The following TUSC3 variants were observed in gnomAD, a reference collection of about 807,000 sequenced individuals.
TUSC3 encodes the protein tumor suppressor candidate 3.
TUSC3 carries 45 observed loss-of-function variants against 44.8 expected under a neutral mutation model. The observed-to-expected ratio is 1.00, with a 90% confidence interval of 0.79 to 1.29. The LOEUF (loss-of-function observed/expected upper bound fraction) is 1.29, where lower values mean the gene tolerates loss of function less well. Ranked by LOEUF, TUSC3 falls within the 50% of genes most tolerant of loss-of-function variation. The probability of loss-of-function intolerance (pLI) is 0.00; values close to 1 mark genes in which losing one functional copy is unlikely to be tolerated. For missense variants in TUSC3, 519 were observed against 437.9 expected (o/e 1.19, Z -1.65); for synonymous variants, 212 against 152.9 (o/e 1.39, Z -2.85).
the TUSC3 span, among the ~76,000 whole-genome samples, chr8:15,786,710 C>G: frequency 6.6e-6 from 1 of 151,542 alleles, no homozygotes; most frequent in Non-Finnish European, 1.5e-5. Flanking sequence ...TTTGGGTGGC[C>G]GAGGCGGTGG....
chr8:15,595,710 T>C (rs901191784), intron 1 of TUSC3, among the ~76,000 whole-genome samples: 1 of 152,210 alleles, frequency 6.6e-6, no homozygotes, highest in African/African-American at 2.4e-5. Flanking sequence ...GGAAGTCATT[T>C]TTAAGCCTAG....
rs553463271 is a variant in TUSC3, at chr8:15,632,002, C to T, written c.308+8753C>T. On this transcript the variant is annotated intron_variant, in intron 2 of 10. Transcript: ENST00000503731. ...GATTACAGGTGTGAGCCACCGTACC[C>T]GGCCAAGGCTATTCTTATATAATTA... Among the ~76,000 whole-genome samples, 8 of 152,210 alleles carry T rather than the reference C, an allele frequency of 5.3e-5. No homozygotes were observed. The East Asian group carries it at 7.7e-4, about 15-fold the overall frequency.
At chr8:15,495,497 T>A (rs1043706785) in intron 2 of TUSC3, among the ~76,000 whole-genome samples, 11 of 152,194 alleles carry the variant, frequency 7.2e-5, no homozygotes, top group Non-Finnish European at 1.3e-4. Context: ...TCTACATATG[T>A]CCTACCTCTA....
intron 6 of TUSC3, among the ~76,000 whole-genome samples, chr8:15,728,754 G>A (rs1810598089): frequency 6.6e-6 from 1 of 152,140 alleles, no homozygotes; most frequent in African/African-American, 2.4e-5. Flanking sequence ...CACCTGGGAA[G>A]GCTGAGTAGA....
the TUSC3 span, among the ~76,000 whole-genome samples, chr8:15,803,537 G>C: frequency 6.6e-6 from 1 of 152,124 alleles, no homozygotes; most frequent in Non-Finnish European, 1.5e-5. Flanking sequence ...AGCATAAAAG[G>C]TTAAATAGAT....
intron 6 of TUSC3, among the ~76,000 whole-genome samples, chr8:15,726,534 G>A (rs772475667): frequency 6.6e-6 from 1 of 152,056 alleles, no homozygotes; most frequent in African/African-American, 2.4e-5. Context: ...GGCCAGGTGC[G>A]GTGGCTCACG....
the TUSC3 span, among the ~76,000 whole-genome samples, chr8:15,833,506 G>A: frequency 3.3e-5 from 5 of 152,088 alleles, no homozygotes; most frequent in African/African-American, 9.7e-5. Context: ...GGTAGTCCAC[G>A]GAATACTATG....
At chr8:15,686,646 C>T (rs113257243) in intron 6 of TUSC3, among the ~76,000 whole-genome samples, 1 of 151,922 alleles carries the variant, frequency 6.6e-6, no homozygotes, top group Non-Finnish European at 1.5e-5. Context: ...ATCATATAGA[C>T]TGATTTAGAT....
intron 5 of TUSC3, among the ~76,000 whole-genome samples, chr8:15,663,362 A>G (rs975683473): frequency 9.9e-5 from 15 of 151,950 alleles, no homozygotes; most frequent in African/African-American, 2.9e-4. Context: ...TCTGTAAAAC[A>G]TAACAGATTG....
intron 3 of TUSC3, among the ~76,000 whole-genome samples, chr8:15,656,021 T>C (rs916788146): frequency 1.2e-4 from 19 of 152,282 alleles, no homozygotes; most frequent in African/African-American, 4.3e-4. Flanking sequence ...TTCATTTTGT[T>C]CTGCTACAAC....
At chr8:15,767,605 C>G (rs779465750), downstream of TUSC3, among the ~76,000 whole-genome samples, 1 of 152,244 alleles carries the variant, frequency 6.6e-6, no homozygotes, top group Middle Eastern at 3.4e-3. Context: ...CCTCCCCAGT[C>G]AGGAATGGTC....
intron 9 of TUSC3, among the ~76,000 whole-genome samples, chr8:15,754,297 C>A (rs1156730072): frequency 2.7e-5 from 4 of 150,076 alleles, no homozygotes; most frequent in Non-Finnish European, 4.5e-5. Context: ...ACTCTAGGGA[C>A]CAAGAGCTGA....
chr8:15,598,725 T>G (rs1228635036), intron 1 of TUSC3, among the ~76,000 whole-genome samples: 1 of 151,912 alleles, frequency 6.6e-6, no homozygotes, highest in African/African-American at 2.4e-5. Flanking sequence ...CCTCTTTCAC[T>G]TAGTAATGTA....
At chr8:15,461,368 T>A (rs1236103918) in intron 1 of TUSC3, among the ~76,000 whole-genome samples, 1 of 152,066 alleles carries the variant, frequency 6.6e-6, no homozygotes, top group East Asian at 1.9e-4. Context: ...GAGAGTTAAT[T>A]TGTGTACATT....
chr8:15,644,183 T>C (rs1307690040), intron 2 of TUSC3, among the ~76,000 whole-genome samples: 1 of 152,280 alleles, frequency 6.6e-6, no homozygotes, highest in Non-Finnish European at 1.5e-5. Flanking sequence ...GTGATTTTTT[T>C]CCCCATAATA....
chr8:15,736,287 T>C (rs1029125505), intron 7 of TUSC3, among the ~76,000 whole-genome samples: 15 of 152,334 alleles, frequency 9.8e-5, no homozygotes, highest in African/African-American at 3.6e-4. Context: ...TTAAAAAGTT[T>C]TCAAATGTCC....
At chr8:15,694,659 G>A (rs918550446) in intron 6 of TUSC3, among the ~76,000 whole-genome samples, 2 of 151,976 alleles carry the variant, frequency 1.3e-5, no homozygotes, top group Non-Finnish European at 2.9e-5. Flanking sequence ...GTATAAGGTG[G>A]GCATGGTTGA....
At chr8:15,566,846 T>G (rs879787922) in intron 1 of TUSC3, among the ~76,000 whole-genome samples, 1 of 152,150 alleles carries the variant, frequency 6.6e-6, no homozygotes, top group African/African-American at 2.4e-5. Flanking sequence ...TTTCCCAGGC[T>G]GCTCTTAAAT....
At chr8:15,529,054 A>G (rs1801417169) in intron 2 of TUSC3, among the ~76,000 whole-genome samples, 1 of 152,230 alleles carries the variant, frequency 6.6e-6, no homozygotes, top group Non-Finnish European at 1.5e-5. Flanking sequence ...TACATAGAAC[A>G]TGCTACACAA....
Sources: gnomAD v4.1 joint callset for allele counts (sites outside exome capture counted in the v4.1 genomes callset) on GRCh38, gnomAD v4.1.1 for gene constraint, MANE v1.5 for transcripts, NCBI Gene and HGNC (gene_info 2026-07-23, HGNC 2026-07-21) for gene names.